The following DLGAP1 variants were observed in gnomAD, a reference collection of about 807,000 sequenced individuals.
DLGAP1 encodes the protein disks large-associated protein 1.
Under a neutral mutation model 90.8 loss-of-function variants are expected in DLGAP1, and 11 were observed. That is an observed-to-expected ratio of 0.12 (90% CI 0.08 to 0.20). DLGAP1 has a LOEUF of 0.20. DLGAP1 is among the 10% of genes least tolerant of loss of function. The pLI is 1.00. For synonymous variants in DLGAP1, 558 were observed against 540.7 expected (o/e 1.03, Z -0.44); for missense variants, 1,050 against 1,333.8 (o/e 0.79, Z 3.31).
chr18:3,862,455 C>T (rs1207587438), intron 4 of DLGAP1, among the ~76,000 whole-genome samples: 1 of 152,200 alleles, frequency 6.6e-6, no homozygotes, highest in Non-Finnish European at 1.5e-5. Context: ...GCAACTACCG[C>T]CCAAAACTCA....
chr18:3,654,472 T>C (rs1389726266), intron 7 of DLGAP1, among the ~76,000 whole-genome samples: 1 of 152,216 alleles, frequency 6.6e-6, no homozygotes, highest in East Asian at 1.9e-4. Flanking sequence ...CTGTATCCTT[T>C]TGTTGGCAAG....
intron 1 of DLGAP1, chr18:4,275,180 C>G (rs952574225): frequency 6.6e-6 from 1 of 152,064 alleles, no homozygotes; most frequent in Non-Finnish European, 1.5e-5. Flanking sequence ...TGTCTGGTCC[C>G]CATGATGTCT....
intron 5 of DLGAP1, among the ~76,000 whole-genome samples, chr18:3,792,379 G>A (rs1314802558): frequency 6.6e-6 from 1 of 152,112 alleles, no homozygotes; most frequent in African/African-American, 2.4e-5. Flanking sequence ...CTACTTGGGA[G>A]GCTGGGGCAG....
intron 3 of DLGAP1, among the ~76,000 whole-genome samples, chr18:3,918,264 G>T (rs2072190176): frequency 6.6e-6 from 1 of 152,154 alleles, no homozygotes; most frequent in South Asian, 2.1e-4. Flanking sequence ...CGTGTCTGTT[G>T]CTATGAAAAT....
At chr18:3,550,897 A>G (rs1395448726) in intron 9 of DLGAP1, among the ~76,000 whole-genome samples, 1 of 151,402 alleles carries the variant, frequency 6.6e-6, no homozygotes, top group Non-Finnish European at 1.5e-5. Context: ...GCCCACCACC[A>G]CGCCTGGCTA....
chr18:4,087,617 C>G (rs933675972), intron 2 of DLGAP1, among the ~76,000 whole-genome samples: 4 of 152,126 alleles, frequency 2.6e-5, no homozygotes, highest in African/African-American at 9.7e-5. Context: ...ATTTCCCACT[C>G]CACAACTCTA....
At chr18:4,031,475 G>C (rs960427297) in intron 2 of DLGAP1, among the ~76,000 whole-genome samples, 2 of 152,206 alleles carry the variant, frequency 1.3e-5, no homozygotes, top group African/African-American at 4.8e-5. Context: ...TACCATCAAC[G>C]TTTCATTTTG....
At chr18:3,930,265 AAAC>A (rs1192975114) in intron 3 of DLGAP1, among the ~76,000 whole-genome samples, 1 of 152,164 alleles carries the variant, frequency 6.6e-6, no homozygotes, top group Non-Finnish European at 1.5e-5. Flanking sequence ...GTTTTCATGA[AAAC>A]AACCCTAAGT....
intron 5 of DLGAP1, among the ~76,000 whole-genome samples, chr18:3,769,071 T>C (rs377194380): frequency 4.0e-5 from 6 of 151,808 alleles, no homozygotes; most frequent in Middle Eastern, 3.2e-3. Context: ...AACCCAACAG[T>C]AAAAAACAAG....
At chr18:4,079,990 C>T (rs8099834) in intron 2 of DLGAP1, among the ~76,000 whole-genome samples, 88,943 of 151,800 alleles carry the variant, frequency 0.59, 26,796 homozygotes, top group Non-Finnish European at 0.66. Context: ...ATGGGTGTGG[C>T]TGTCTAACTT....
chr18:4,328,365 G>T (rs2080871583), intron 1 of DLGAP1, among the ~76,000 whole-genome samples: 1 of 151,888 alleles, frequency 6.6e-6, no homozygotes, highest in Non-Finnish European at 1.5e-5. Context: ...CCATGTTGTT[G>T]TATGAGTCAA....
At chr18:4,451,721 T>G in intron 1 of DLGAP1, among the ~76,000 whole-genome samples, 1 of 152,186 alleles carries the variant, frequency 6.6e-6, no homozygotes, top group East Asian at 1.9e-4. Context: ...CTAGTAGCAC[T>G]TAGGATCTTA....
intron 3 of DLGAP1, among the ~76,000 whole-genome samples, chr18:3,915,623 C>T (rs2072125408): frequency 6.6e-6 from 1 of 152,112 alleles, no homozygotes; most frequent in Non-Finnish European, 1.5e-5. Flanking sequence ...TAAATCTTTG[C>T]ATCTTAAAAA....
chr18:3,998,048 G>A (rs1318354614), intron 3 of DLGAP1, among the ~76,000 whole-genome samples: 1 of 152,062 alleles, frequency 6.6e-6, no homozygotes, highest in African/African-American at 2.4e-5. Context: ...CCATACAGAA[G>A]CATATGTCTG....
intron 2 of DLGAP1, among the ~76,000 whole-genome samples, chr18:4,093,880 C>T (rs1232261879): frequency 6.6e-6 from 1 of 152,176 alleles, no homozygotes; most frequent in East Asian, 1.9e-4. Flanking sequence ...CCTCTCTTCT[C>T]TCCCTCACGC....
chr18:3,870,128 C>T (rs2070652716), intron 4 of DLGAP1, among the ~76,000 whole-genome samples: 1 of 152,264 alleles, frequency 6.6e-6, no homozygotes, highest in Admixed American at 6.5e-5. Flanking sequence ...ACTTAAAATG[C>T]AGTTCTGGGA....
chr18:4,059,789 G>T (rs765045403), intron 2 of DLGAP1, among the ~76,000 whole-genome samples: 9 of 152,164 alleles, frequency 5.9e-5, no homozygotes, highest in Non-Finnish European at 1.2e-4. Context: ...CGTGCCCTTA[G>T]ACAGGAAATC....
intron 1 of DLGAP1, among the ~76,000 whole-genome samples, chr18:4,156,159 G>A (rs1212989479): frequency 1.3e-5 from 2 of 152,194 alleles, no homozygotes; most frequent in East Asian, 1.9e-4. Flanking sequence ...AGGCTTTTTA[G>A]GGAAAGCTGA....
At chr18:4,337,860 T>C (rs902990851) in intron 1 of DLGAP1, among the ~76,000 whole-genome samples, 1 of 152,166 alleles carries the variant, frequency 6.6e-6, no homozygotes, top group African/African-American at 2.4e-5. Context: ...GCTATTTCAG[T>C]GCTGTATTTT....
Sources: gnomAD v4.1 joint callset for allele counts (sites outside exome capture counted in the v4.1 genomes callset) on GRCh38, gnomAD v4.1.1 for gene constraint, MANE v1.5 for transcripts, NCBI Gene and HGNC (gene_info 2026-07-23, HGNC 2026-07-21) for gene names.